Variants in GAP43 observed in about 807,000 individuals in gnomAD.
GAP43 encodes the protein growth associated protein 43, also known as neuromodulin.
In GAP43, 6 loss-of-function variants were observed where a neutral mutation model predicts 18.6. The ratio of observed to expected loss-of-function variants is 0.32; its 90% CI spans 0.18 to 0.64. The LOEUF is 0.64. Ranked by LOEUF, GAP43 falls within the 30% of genes least tolerant of loss-of-function variation. GAP43 has a pLI of 0.78. For synonymous variants in GAP43, 115 were observed against 111.4 expected (o/e 1.03, Z -0.20); for missense variants, 292 against 295.5 (o/e 0.99, Z 0.09).
intron 2 of GAP43, among the ~76,000 whole-genome samples, chr3:115,687,019 T>C (rs971983299): frequency 1.3e-5 from 2 of 152,140 alleles, no homozygotes; most frequent in Middle Eastern, 6.8e-3. Context: ...CTCAAATGAG[T>C]TTAAAATATA....
At chr3:115,627,249 G>A (rs1293315754) in intron 1 of GAP43, among the ~76,000 whole-genome samples, 1 of 150,634 alleles carries the variant, frequency 6.6e-6, no homozygotes, top group African/African-American at 2.4e-5. Context: ...ACCCATGCCA[G>A]GGCGCATACA....
intron 1 of GAP43, among the ~76,000 whole-genome samples, chr3:115,674,020 AG>A (rs1464008409): frequency 6.6e-6 from 1 of 152,216 alleles, no homozygotes; most frequent in Non-Finnish European, 1.5e-5. Flanking sequence ...GCTTGTCCAA[AG>A]AATGTCTAAC....
At chr3:115,687,258 C>T (rs777926513) in intron 2 of GAP43, among the ~76,000 whole-genome samples, 2 of 152,076 alleles carry the variant, frequency 1.3e-5, no homozygotes, top group Non-Finnish European at 2.9e-5. Flanking sequence ...CAATGCCAAT[C>T]GATCTCATTT....
chr3:115,663,588 C>T (rs1304953574), intron 1 of GAP43: 1 of 1,302,576 alleles, frequency 7.7e-7, no homozygotes, highest in African/African-American at 1.5e-5. Flanking sequence ...CTGTCAAAAT[C>T]TTCACAAGGA....
chr3:115,635,089 T>C (rs1295920945), intron 1 of GAP43, among the ~76,000 whole-genome samples: 1 of 152,144 alleles, frequency 6.6e-6, no homozygotes, highest in African/African-American at 2.4e-5. Context: ...ACTGGGAGTT[T>C]GATCTATTCA....
chr3:115,647,296 C>G (rs1315505180), intron 1 of GAP43, among the ~76,000 whole-genome samples: 2 of 152,078 alleles, frequency 1.3e-5, no homozygotes, highest in East Asian at 3.9e-4. Context: ...TTCCCATCCT[C>G]TGGAATGGTG....
At chr3:115,670,787 C>G (rs1252473521) in intron 1 of GAP43, among the ~76,000 whole-genome samples, 1 of 152,078 alleles carries the variant, frequency 6.6e-6, no homozygotes, top group Admixed American at 6.5e-5. Flanking sequence ...GTAGAAGATT[C>G]TGATAGGCAT....
At chr3:115,688,314 T>G (rs1576994615) in intron 2 of GAP43, among the ~76,000 whole-genome samples, 1 of 151,660 alleles carries the variant, frequency 6.6e-6, no homozygotes, top group African/African-American at 2.4e-5. Context: ...CCAGTGCCCC[T>G]GGCCTCAAAT....
intron 2 of GAP43, among the ~76,000 whole-genome samples, chr3:115,683,139 GCGCGCGCGCA>G (rs1559800375): frequency 1.2e-3 from 155 of 126,186 alleles, no homozygotes; most frequent in African/African-American, 4.4e-3. Context: ...GCGCGTGCGC[GCGCGCGCGCA>G]CACACACACA....
rs753011936 is a variant in GAP43 at position 115,647,749 on chromosome 3, AC to A, written c.30+24031del. ...AAAACAAAAACAAAAACAAAACAAA[AC>A]AAAAAAACAAAAAAAAAAAACGGCC... On this transcript the variant is annotated intron_variant, in intron 1 of 2. Transcript: ENST00000305124. Among the ~76,000 whole-genome samples, 5 of 82,666 alleles carry A rather than the reference AC, an allele frequency of 6.0e-5. 1 individual carries two copies. The highest frequency in any genetic ancestry group is 4.3e-4 in the Admixed American group (3 of 6,942). 54.2% of individuals were successfully genotyped at this position (82,666 alleles called of 152,430 possible).
At chr3:115,665,228 C>G (rs1440228744) in intron 1 of GAP43, among the ~76,000 whole-genome samples, 1 of 152,134 alleles carries the variant, frequency 6.6e-6, no homozygotes, top group Non-Finnish European at 1.5e-5. Flanking sequence ...CCTAATGCCT[C>G]CTACACAGAG....
intron 2 of GAP43, among the ~76,000 whole-genome samples, chr3:115,687,951 C>G (rs1709054977): frequency 6.6e-6 from 1 of 151,880 alleles, no homozygotes; most frequent in African/African-American, 2.4e-5. Flanking sequence ...GTAGTATAAA[C>G]CATAAAAAAA....
intron 1 of GAP43, among the ~76,000 whole-genome samples, chr3:115,638,378 C>T (rs996963820): frequency 6.6e-6 from 1 of 152,062 alleles, no homozygotes; most frequent in Non-Finnish European, 1.5e-5. Flanking sequence ...GTTTTTAAAA[C>T]ACATAAAACA....
intron 1 of GAP43, among the ~76,000 whole-genome samples, chr3:115,674,346 G>A (rs1175548719): frequency 1.3e-5 from 2 of 152,146 alleles, no homozygotes; most frequent in East Asian, 3.8e-4. Context: ...CCATGTTGGG[G>A]CACCATGGTA....
chr3:115,660,757 G>A (rs902504028), intron 1 of GAP43, among the ~76,000 whole-genome samples: 5 of 152,188 alleles, frequency 3.3e-5, no homozygotes, highest in East Asian at 1.9e-4. Context: ...GGGCCTGGGC[G>A]GGGTGACAGT....
intron 1 of GAP43, among the ~76,000 whole-genome samples, chr3:115,629,861 T>TA (rs1014569946): frequency 3.3e-5 from 5 of 152,264 alleles, no homozygotes; most frequent in African/African-American, 1.2e-4. Flanking sequence ...AGGAGATTTT[T>TA]AAAAAAATGT....
intron 2 of GAP43, among the ~76,000 whole-genome samples, chr3:115,708,943 T>TTTG (rs1432116302): frequency 3.1e-5 from 1 of 32,226 alleles, no homozygotes; most frequent in African/African-American, 7.7e-5. Context: ...TGGCTGGGTT[T>TTTG]TTTTTTTTTT....
intron 1 of GAP43, among the ~76,000 whole-genome samples, chr3:115,628,368 C>A (rs1708218139): frequency 6.6e-6 from 1 of 151,986 alleles, no homozygotes; most frequent in Admixed American, 6.6e-5. Flanking sequence ...AAGATTCTCT[C>A]CTGACTCTAT....
chr3:115,650,858 G>A (rs1708512121), intron 1 of GAP43, among the ~76,000 whole-genome samples: 1 of 152,154 alleles, frequency 6.6e-6, no homozygotes, highest in South Asian at 2.1e-4. Context: ...GTCAGGCATG[G>A]TGGCTCATGC....
Sources: gnomAD v4.1 joint callset for allele counts (sites outside exome capture counted in the v4.1 genomes callset) on GRCh38, gnomAD v4.1.1 for gene constraint, MANE v1.5 for transcripts, NCBI Gene and HGNC (gene_info 2026-07-23, HGNC 2026-07-21) for gene names.